DOCK3: variants seen among roughly 807,000 people sequenced by gnomAD.
The protein encoded by DOCK3 is dedicator of cytokinesis 3, also known as dedicator of cytokinesis protein 3.
A neutral mutation model predicts 265.6 loss-of-function variants in DOCK3; 60 were observed. The observed-to-expected ratio is 0.23, with a 90% CI of 0.18 to 0.28. The LOEUF is 0.28. DOCK3 is among the 10% of genes least tolerant of loss of function. DOCK3 has a pLI of 1.00. For missense variants in DOCK3, 1,981 were observed against 2,594.3 expected (o/e 0.76, Z 5.14); for synonymous variants, 881 against 938.0 (o/e 0.94, Z 1.11).
intron 40 of DOCK3, among the ~76,000 whole-genome samples, chr3:51,354,222 C>CG (rs1553868147): frequency 3.4e-5 from 5 of 146,026 alleles, no homozygotes; most frequent in African/African-American, 1.2e-4. Flanking sequence ...TGATCACCAC[C>CG]CCCCCCCCAT....
At chr3:50,928,433 A>G (rs2050886085) in intron 4 of DOCK3, among the ~76,000 whole-genome samples, 1 of 152,190 alleles carries the variant, frequency 6.6e-6, no homozygotes. Context: ...TTTCACTAGC[A>G]TAGTGCTTTC....
At chr3:50,804,308 A>G (rs913019699) in intron 2 of DOCK3, among the ~76,000 whole-genome samples, 1 of 152,070 alleles carries the variant, frequency 6.6e-6, no homozygotes, top group African/African-American at 2.4e-5. Context: ...GTGGCCAGGC[A>G]GAGACGCTCC....
chr3:50,801,708 A>C (rs1406234072), intron 2 of DOCK3, among the ~76,000 whole-genome samples: 1 of 152,208 alleles, frequency 6.6e-6, no homozygotes, highest in East Asian at 1.9e-4. Context: ...AATATCTGTT[A>C]CATCCATTTG....
chr3:50,739,293 T>C (rs1261352437), intron 1 of DOCK3, among the ~76,000 whole-genome samples: 2 of 152,154 alleles, frequency 1.3e-5, no homozygotes, highest in Non-Finnish European at 2.9e-5. Flanking sequence ...AGTCTACTAA[T>C]GTATCTTCCC....
intron 2 of DOCK3, among the ~76,000 whole-genome samples, chr3:50,803,601 C>T (rs898340204): frequency 4.8e-5 from 6 of 125,386 alleles, no homozygotes; most frequent in Non-Finnish European, 7.6e-5. Flanking sequence ...ACCTCCCAGA[C>T]GGGGTGGCGG....
At chr3:50,877,603 G>A in intron 3 of DOCK3, 1 of 513,494 alleles carries the variant, frequency 1.9e-6, no homozygotes, top group Non-Finnish European at 3.9e-6. Flanking sequence ...GAACAAGACA[G>A]TGGCTTTCTG....
chr3:51,266,565 G>C (rs1320750319), intron 23 of DOCK3, among the ~76,000 whole-genome samples: 1 of 152,006 alleles, frequency 6.6e-6, no homozygotes, highest in Non-Finnish European at 1.5e-5. Context: ...CCTGACAAAA[G>C]AAGCAATGGG....
At chr3:51,007,562 C>T (rs924732281) in intron 5 of DOCK3, among the ~76,000 whole-genome samples, 6 of 152,178 alleles carry the variant, frequency 3.9e-5, no homozygotes, top group Non-Finnish European at 7.4e-5. Flanking sequence ...TTCTCCCATT[C>T]TGTAGGTTGC....
At chr3:50,769,869 A>G (rs2041171414) in intron 1 of DOCK3, among the ~76,000 whole-genome samples, 1 of 152,034 alleles carries the variant, frequency 6.6e-6, no homozygotes, top group Admixed American at 6.6e-5. Context: ...GAAAGAAATA[A>G]AGGGTGTCTA....
intron 9 of DOCK3, among the ~76,000 whole-genome samples, chr3:51,114,582 A>G (rs2109874589): frequency 6.6e-6 from 1 of 152,266 alleles, no homozygotes; most frequent in Non-Finnish European, 1.5e-5. Context: ...AAATGAGGAT[A>G]CCTCTGTAGA....
chr3:51,116,001 A>G (rs1409893707), intron 9 of DOCK3, among the ~76,000 whole-genome samples: 3 of 152,032 alleles, frequency 2.0e-5, no homozygotes, highest in East Asian at 3.9e-4. Flanking sequence ...CCATTGGTCT[A>G]TATCTCTGTT....
intron 1 of DOCK3, 134 bp from the exon 2 acceptor site, chr3:50,778,541 T>G: frequency 1.7e-6 from 1 of 595,244 alleles, no homozygotes; most frequent in Admixed American, 2.9e-5. Flanking sequence ...GGAAAGGGGC[T>G]TACACTTTAG....
At chr3:51,351,003 G>A (rs1335895775) in intron 40 of DOCK3, among the ~76,000 whole-genome samples, 3 of 152,256 alleles carry the variant, frequency 2.0e-5, no homozygotes, top group East Asian at 1.9e-4. Context: ...TCTCCCTACC[G>A]TTCCCTGGCA....
chr3:50,787,323 G>C (rs1198042011), intron 2 of DOCK3: 6 of 419,064 alleles, frequency 1.4e-5, no homozygotes, highest in Non-Finnish European at 2.6e-5. Flanking sequence ...ATCACCTGAG[G>C]TCAGGAGTTC....
intron 12 of DOCK3, among the ~76,000 whole-genome samples, chr3:51,179,379 T>C (rs2087148887): frequency 1.3e-5 from 2 of 152,198 alleles, no homozygotes; most frequent in African/African-American, 2.4e-5. Context: ...TATTTAACAA[T>C]TTCAAGTTAG....
At chr3:51,089,927 A>G (rs1433824347) in intron 8 of DOCK3, among the ~76,000 whole-genome samples, 1 of 151,438 alleles carries the variant, frequency 6.6e-6, no homozygotes, top group African/African-American at 2.4e-5. Context: ...AAAAAGGAAA[A>G]AGAAAATGGT....
intron 18 of DOCK3, 51 bp downstream of exon 18, chr3:51,228,883 A>C (rs1388925334): frequency 6.3e-7 from 1 of 1,577,302 alleles, no homozygotes; most frequent in Non-Finnish European, 8.7e-7. Context: ...TCCATTGTTC[A>C]CTCCACACTA....
At chr3:51,157,903 T>G (rs2085934997) in intron 10 of DOCK3, among the ~76,000 whole-genome samples, 1 of 151,302 alleles carries the variant, frequency 6.6e-6, no homozygotes, top group Non-Finnish European at 1.5e-5. Context: ...CCTCCCGGGT[T>G]CATGCCATTC....
At chr3:51,147,689 A>C (rs1396158507) in intron 10 of DOCK3, among the ~76,000 whole-genome samples, 1 of 152,186 alleles carries the variant, frequency 6.6e-6, no homozygotes, top group Non-Finnish European at 1.5e-5. Flanking sequence ...TTTATGGCTG[A>C]ATAGTATTCC....
Sources: gnomAD v4.1 joint callset for allele counts (sites outside exome capture counted in the v4.1 genomes callset) on GRCh38, gnomAD v4.1.1 for gene constraint, MANE v1.5 for transcripts, NCBI Gene and HGNC (gene_info 2026-07-23, HGNC 2026-07-21) for gene names.